The following PEBP4 variants were observed in gnomAD, a reference collection of about 807,000 sequenced individuals.
PEBP4 encodes phosphatidylethanolamine-binding protein 4.
In PEBP4, 22 loss-of-function variants were observed where a neutral mutation model predicts 23.9. The ratio of observed to expected loss-of-function variants is 0.92; its 90% confidence interval spans 0.66 to 1.31. The LOEUF is 1.31. PEBP4 is among the 40% of genes most tolerant of loss of function. The pLI, the probability that PEBP4 is intolerant of heterozygous loss-of-function variation, is 0.00. For missense variants in PEBP4, 324 were observed against 281.7 expected, an observed-to-expected ratio of 1.15 and a Z score of -1.07; for synonymous variants, 112 against 99.3, an observed-to-expected ratio of 1.13 and a Z score of -0.76.
At position 22,869,117 on chromosome 8, in the gene PEBP4, C is replaced by A. The variant is rs968706006; in HGVS notation, c.258+51067G>T. Reference sequence around the variant, plus strand: ...CCTCATGGCCTTTGTACTGGCTGGCCCCTCTGCCTTCTTTCTCTGCCTTCT... The same window carrying A: ...CCTCATGGCCTTTGTACTGGCTGGCACCTCTGCCTTCTTTCTCTGCCTTCT... On this transcript the variant is annotated intron_variant, in intron 3 of 6. Transcript: ENST00000256404. 8.5e-5 allele frequency among the ~76,000 whole-genome samples: 13 copies of A among 152,304 alleles called. No individual in the cohort carries two copies. In the South Asian group the frequency reaches 1.9e-3, roughly 22 times the overall value.
At chr8:22,908,691 T>C (rs1402898491) in intron 3 of PEBP4, among the ~76,000 whole-genome samples, 1 of 152,190 alleles carries the variant, frequency 6.6e-6, no homozygotes, top group Non-Finnish European at 1.5e-5. Flanking sequence ...AAGGCAGCTC[T>C]GAGAGGCAAC....
chr8:22,820,952 G>T (rs1483929268), intron 3 of PEBP4, among the ~76,000 whole-genome samples: 2 of 152,014 alleles, frequency 1.3e-5, no homozygotes, highest in Non-Finnish European at 2.9e-5. Context: ...CCAACACTTT[G>T]GGAGGCTGAG....
chr8:22,720,253 T>C (rs1471936092), intron 6 of PEBP4, among the ~76,000 whole-genome samples: 1 of 152,166 alleles, frequency 6.6e-6, no homozygotes. Context: ...GAGAAGACGA[T>C]AGAGACTAGA....
intron 4 of PEBP4, among the ~76,000 whole-genome samples, chr8:22,793,732 T>C (rs1457323205): frequency 6.6e-6 from 1 of 152,182 alleles, no homozygotes; most frequent in East Asian, 1.9e-4. Flanking sequence ...ATTTCCTTAA[T>C]AATTATCTAA....
intron 4 of PEBP4, among the ~76,000 whole-genome samples, chr8:22,747,306 A>G (rs1463214578): frequency 1.3e-5 from 2 of 152,206 alleles, no homozygotes; most frequent in African/African-American, 2.4e-5. Flanking sequence ...ACCCTTGTTC[A>G]GGCTCTGTCC....
chr8:22,862,936 G>C (rs1193701900), intron 3 of PEBP4, among the ~76,000 whole-genome samples: 2 of 151,912 alleles, frequency 1.3e-5, no homozygotes, highest in Non-Finnish European at 2.9e-5. Flanking sequence ...GAGTAGCTGG[G>C]ACTACAAGCG....
At chr8:22,761,143 A>T (rs1805499272) in intron 4 of PEBP4, among the ~76,000 whole-genome samples, 1 of 152,124 alleles carries the variant, frequency 6.6e-6, no homozygotes, top group Admixed American at 6.5e-5. Flanking sequence ...CCCAGCAAGC[A>T]CAGGTGGGCT....
chr8:22,854,925 A>ATT (rs1807608386), intron 3 of PEBP4, among the ~76,000 whole-genome samples: 1 of 99,774 alleles, frequency 1.0e-5, no homozygotes, highest in East Asian at 4.3e-4. Context: ...GTGAGATTAG[A>ATT]ATGTGTGTGT....
At chr8:22,805,322 G>A (rs1020303573) in intron 4 of PEBP4, among the ~76,000 whole-genome samples, 3 of 152,078 alleles carry the variant, frequency 2.0e-5, no homozygotes, top group African/African-American at 4.8e-5. Context: ...TAGCAATCGC[G>A]TGTTTTGTTT....
Position 22,817,692 on chromosome 8 carries a change from C to T in PEBP4, c.302G>A (p.Ser101Asn). ...GAATCTCTGTCTGGGTTCTGCTCTG[C>T]TAGGGGCATCTGGATCCACCATCAC... ...ILVMVDPDAP[S>N]RAEPRQRFWR... is the part of the protein sequence containing the mutation. The change falls in exon 4 of 7, where the codon AGC becomes AAC. Residue 101 changes from serine to asparagine, a missense_variant. Ser to Asn is a conservative substitution (Grantham distance 46). Transcript: ENST00000256404. 2 of 1,614,200 alleles carry T rather than the reference C, an allele frequency of 1.2e-6. No homozygotes were observed. Among genetic ancestry groups the T allele is most frequent in the East Asian group, 4.5e-5 (2 of 44,888 alleles).
Position 22,927,701 on chromosome 8 carries a change from A to G in PEBP4, c.14T>C (p.Met5Thr). ...TAACAGTGCTGCTGTGACCAGCCTC[A>G]TTGTCCAACCCATGGGCACCTGGAA... MGWT[M>T]RLVTAALLLG... The change falls in exon 2 of 7, where the codon ATG becomes ACG. Residue 5 changes from methionine to threonine, a missense_variant. Physicochemically the swap from Met to Thr is moderately conservative, Grantham distance 81. Coordinates refer to ENST00000256404, the MANE Select transcript of PEBP4 (RefSeq NM_144962.3). 1 of 1,613,740 alleles carries G rather than the reference A, an allele frequency of 6.2e-7. No homozygotes were observed. The highest frequency in any genetic ancestry group is 8.5e-7 in the Non-Finnish European group (1 of 1,179,814).
intron 4 of PEBP4, among the ~76,000 whole-genome samples, chr8:22,796,361 C>T (rs1385369728): frequency 1.3e-5 from 2 of 152,058 alleles, no homozygotes; most frequent in African/African-American, 4.8e-5. Context: ...TAATCCTACC[C>T]TTCTAGAGCC....
At chr8:22,736,751 C>T (rs1804868896) in intron 4 of PEBP4, among the ~76,000 whole-genome samples, 1 of 152,204 alleles carries the variant, frequency 6.6e-6, no homozygotes, top group Non-Finnish European at 1.5e-5. Flanking sequence ...TTGATATCAA[C>T]CTCAGGTTGC....
At position 22,910,791 on chromosome 8, in the gene PEBP4, G is replaced by A. The variant is rs184715977; in HGVS notation, c.258+9393C>T. The stretch of plus-strand genomic sequence containing the variant: ...GGAGACAGCGAAAAGACCAGTGGTT[G>A]CCAGAGGTTAGAGGGAGGCATGAAT... On this transcript the variant is annotated intron_variant, in intron 3 of 6. Transcript: ENST00000256404. Among the ~76,000 whole-genome samples, 292 of 152,362 alleles carry A rather than the reference G, an allele frequency of 1.9e-3. 2 individuals are homozygous for A. The highest frequency in any genetic ancestry group is 6.2e-3 in the African/African-American group (259 of 41,576).
intron 4 of PEBP4, among the ~76,000 whole-genome samples, chr8:22,791,131 C>T (rs1235481666): frequency 2.0e-5 from 3 of 152,092 alleles, no homozygotes; most frequent in African/African-American, 7.2e-5. Flanking sequence ...GGCAACCAAC[C>T]TCCCCACCCC....
At chr8:22,719,486 G>A (rs148377613) in intron 6 of PEBP4, among the ~76,000 whole-genome samples, 220 of 152,024 alleles carry the variant, frequency 1.4e-3, no homozygotes, top group African/African-American at 4.8e-3. Context: ...GGGTGTGTGC[G>A]TGGACCATTC....
At chr8:22,765,707 T>A (rs1805598572) in intron 4 of PEBP4, among the ~76,000 whole-genome samples, 1 of 152,238 alleles carries the variant, frequency 6.6e-6, no homozygotes, top group Non-Finnish European at 1.5e-5. Flanking sequence ...TGTGTATAGG[T>A]TCTAAGCACC....
chr8:22,811,159 T>C (rs1474405588), intron 4 of PEBP4, among the ~76,000 whole-genome samples: 1 of 152,188 alleles, frequency 6.6e-6, no homozygotes, highest in Non-Finnish European at 1.5e-5. Flanking sequence ...TCATTTCCAA[T>C]TCACTGCATT....
At position 22,742,515 on chromosome 8, in the gene PEBP4, G is replaced by A. The variant is rs115768558; in HGVS notation, c.358-15295C>T. ...CCCCTGCTGGACTTTGTCACTGGGT[G>A]TTTCCTATAGTGATGTGGTCACCCC... On this transcript the variant is annotated intron_variant, in intron 4 of 6. Coordinates refer to ENST00000256404, the MANE Select transcript of PEBP4 (RefSeq NM_144962.3). 8.8e-3 allele frequency among the ~76,000 whole-genome samples: 1,344 copies of A among 152,310 alleles called. 26 individuals carry two copies. The highest frequency in any genetic ancestry group is 0.031 in the African/African-American group (1,284 of 41,560).
Sources: allele counts gnomAD v4.1 joint callset (sites outside exome capture counted in the v4.1 genomes callset), GRCh38; gene constraint gnomAD v4.1.1; transcripts MANE v1.5; gene names NCBI Gene and HGNC (gene_info 2026-07-23, HGNC 2026-07-21).